Variants in ZNF831 observed in about 807,000 individuals in gnomAD.
ZNF831 encodes the protein chromosome 20 open reading frame 174.
ZNF831 carries 59 observed loss-of-function variants against 95.8 expected under a neutral mutation model. That is an observed-to-expected ratio of 0.62 (90% CI 0.50 to 0.77). The LOEUF (loss-of-function observed/expected upper bound fraction) is 0.77. Among genes scored for constraint, ZNF831 ranks in the 30% least tolerant of loss-of-function variants. The pLI is 0.00. For missense variants in ZNF831, 2,205 were observed against 2,164.0 expected, an observed-to-expected ratio of 1.02 and a Z score of -0.38; for synonymous variants, 961 against 925.5, an observed-to-expected ratio of 1.04 and a Z score of -0.70.
chr20:59,253,757 T>C (rs1432250085), intron 5 of ZNF831, 141 bp from the exon 6 acceptor site: 17 of 900,264 alleles, frequency 1.9e-5, no homozygotes, highest in Non-Finnish European at 2.8e-5. Context: ...ATTGAGGGCG[T>C]CATATTGAAG....
intron 1 of ZNF831, among the ~76,000 whole-genome samples, chr20:59,132,610 C>T (rs574761737): frequency 6.6e-6 from 1 of 152,296 alleles, no homozygotes; most frequent in South Asian, 2.1e-4. Flanking sequence ...TCTTCATAGG[C>T]TCCTTGGACA....
intron 4 of ZNF831, among the ~76,000 whole-genome samples, chr20:59,227,981 C>T (rs1402067710): frequency 6.6e-6 from 1 of 152,104 alleles, no homozygotes; most frequent in Non-Finnish European, 1.5e-5. Context: ...ATTTCAACCA[C>T]ATAGGTTATA....
chr20:59,202,373 A>G (rs1277666042), intron 3 of ZNF831, among the ~76,000 whole-genome samples: 2 of 141,980 alleles, frequency 1.4e-5, no homozygotes, highest in African/African-American at 5.3e-5. Context: ...TTTGCATCTG[A>G]CAATGACAAC....
rs145684641 is a variant in ZNF831, at chr20:59,206,550, T to C, written c.3876-355T>C. Among the ~76,000 whole-genome samples the C allele has an allele frequency of 2.8e-4, 43 of 152,346 alleles. No homozygotes were observed. In the East Asian group the frequency reaches 4.6e-3, roughly 16 times the overall value. On this transcript the variant is annotated intron_variant, in intron 3 of 5. Coordinates refer to ENST00000371030, the MANE Select transcript of ZNF831 (RefSeq NM_178457.3). The stretch of plus-strand genomic sequence containing the variant: ...ATTTGTCAATGCAGATTACAGAACA[T>C]TTCCATCATTGAAGAATAAACTGTT...
At chr20:59,221,512 CA>C (rs1568778720) in intron 4 of ZNF831, among the ~76,000 whole-genome samples, 1 of 152,186 alleles carries the variant, frequency 6.6e-6, no homozygotes, top group Non-Finnish European at 1.5e-5. Flanking sequence ...GAATCTGCTC[CA>C]AAAACAACCA....
At chr20:59,163,621 A>G (rs1261010525), upstream of ZNF831, among the ~76,000 whole-genome samples, 2 of 152,018 alleles carry the variant, frequency 1.3e-5, no homozygotes, top group African/African-American at 4.8e-5. Flanking sequence ...CTCTAATGCA[A>G]TGTTTTTTTG....
At chr20:59,237,647 G>T (rs1451846890) in intron 4 of ZNF831, among the ~76,000 whole-genome samples, 1 of 152,140 alleles carries the variant, frequency 6.6e-6, no homozygotes. Context: ...GCTGAGTTTC[G>T]GGAGCTCATG....
At position 59,193,189 on chromosome 20, in the gene ZNF831, A is replaced by C. The variant is rs1983760867; in HGVS notation, c.2170A>C (p.Arg724=). Residue 724 remains arginine (R), a synonymous_variant, in exon 2 of 6, where the codon AGG becomes CGG. Coordinates refer to ENST00000371030, the MANE Select transcript of ZNF831 (RefSeq NM_178457.3). ...VARRGDSDRP[R]VEEAVSSPAL... ...CAGGAGAGGAGACAGTGACCGACCC[A>C]GGGTGGAAGAGGCTGTGTCATCCCC... 3 of 1,578,856 alleles carry C rather than the reference A, an allele frequency of 1.9e-6. No homozygotes were observed. Among genetic ancestry groups the C allele is most frequent in the Non-Finnish European group, 2.6e-6 (3 of 1,162,054 alleles).
At chr20:59,153,585 A>G (rs1484915167) in intron 2 of ZNF831, among the ~76,000 whole-genome samples, 1 of 151,428 alleles carries the variant, frequency 6.6e-6, no homozygotes, top group East Asian at 1.9e-4. Flanking sequence ...GACATGTTCA[A>G]TGGTTCCGGG....
Position 59,244,262 on chromosome 20 carries a change from G to T in ZNF831, c.4028-8716G>T, listed in dbSNP as rs552596262. On this transcript the variant is annotated intron_variant, in intron 4 of 5. Coordinates refer to ENST00000371030, the MANE Select transcript of ZNF831 (RefSeq NM_178457.3). Reference sequence around the variant, plus strand: ...ATAGTACAGAAATACTCTAGATTTGGCTAGAGGTGGAAAAAATATATTTTT... The same window carrying T: ...ATAGTACAGAAATACTCTAGATTTGTCTAGAGGTGGAAAAAATATATTTTT... 2.6e-5 allele frequency among the ~76,000 whole-genome samples: 4 copies of T among 152,258 alleles called. No homozygotes were observed. In the South Asian group the frequency reaches 8.3e-4, roughly 32 times the overall value.
intron 2 of ZNF831, among the ~76,000 whole-genome samples, chr20:59,149,171 C>T (rs564813839): frequency 2.7e-4 from 41 of 152,286 alleles, no homozygotes; most frequent in African/African-American, 7.7e-4. Context: ...ACCAGAGGTG[C>T]CATCAGAAAA....
In ZNF831 at chr20:59,195,924, A is replaced by G. The variant is rs529824649; in HGVS notation, c.3794A>G (p.Glu1265Gly). 1.2e-6 allele frequency: 2 copies of G among 1,614,196 alleles called. No individual in the cohort carries two copies. Among genetic ancestry groups the G allele is most frequent in the South Asian group, 2.2e-5 (2 of 91,074 alleles). ...CCCCAGCACCAGGTGTCTGAGCCAG[A>G]ATGGAAGAAAGGCCTGCCTTGGAGG... is the stretch of plus-strand genomic sequence containing the variant. ...VMPQHQVSEPEWKKGLPWRAK... is the reference protein window; with the variant it reads ...VMPQHQVSEPGWKKGLPWRAK... Residue 1265 changes from glutamate (E) to glycine (G), a missense_variant, in exon 3 of 6, where the codon GAA becomes GGA. Coordinates refer to ENST00000371030, the MANE Select transcript of ZNF831 (RefSeq NM_178457.3).
chr20:59,195,803 C>A (rs987459490), intron 2 of ZNF831, 66 bp from the exon 3 acceptor site: 52 of 1,566,156 alleles, frequency 3.3e-5, no homozygotes, highest in Non-Finnish European at 2.2e-5. Context: ...GAGCGAGAAC[C>A]CTTTGGAGTT....
intron 2 of ZNF831, 173 bp from the exon 3 acceptor site, chr20:59,195,696 C>T (rs1046191360): frequency 4.7e-5 from 42 of 887,714 alleles, no homozygotes; most frequent in Non-Finnish European, 5.7e-5. Context: ...TGTCCAGGAA[C>T]GCTCTGCCGT....
chr20:59,234,634 A>C (rs1986902157), intron 4 of ZNF831, among the ~76,000 whole-genome samples: 1 of 152,246 alleles, frequency 6.6e-6, no homozygotes, highest in Non-Finnish European at 1.5e-5. Context: ...TTTTAGAGAC[A>C]GTCTAGGTTT....
At chr20:59,177,307 A>G (rs934268653) in intron 1 of ZNF831, among the ~76,000 whole-genome samples, 1 of 152,222 alleles carries the variant, frequency 6.6e-6, no homozygotes, top group Non-Finnish European at 1.5e-5. Flanking sequence ...AAGCCCAGGG[A>G]AATAGTATAC....
At chr20:59,176,917 C>A (rs1163503522) in intron 1 of ZNF831, among the ~76,000 whole-genome samples, 1 of 152,224 alleles carries the variant, frequency 6.6e-6, no homozygotes, top group Non-Finnish European at 1.5e-5. Flanking sequence ...AATCACGAAT[C>A]GTGGTGCTAT....
intron 4 of ZNF831, among the ~76,000 whole-genome samples, chr20:59,235,833 A>G (rs763701187): frequency 1.4e-4 from 22 of 152,210 alleles, no homozygotes; most frequent in Non-Finnish European, 3.2e-4. Context: ...AGAACCTTCA[A>G]AAGAGTGAAG....
At chr20:59,157,962 T>C (rs1980630971) in intron 2 of ZNF831, among the ~76,000 whole-genome samples, 1 of 152,356 alleles carries the variant, frequency 6.6e-6, no homozygotes, top group South Asian at 2.1e-4. Context: ...ATTTTTTCTT[T>C]CTGGTCCTGA....
Sources: allele counts gnomAD v4.1 joint callset (sites outside exome capture counted in the v4.1 genomes callset), GRCh38; gene constraint gnomAD v4.1.1; transcripts MANE v1.5; gene names NCBI Gene and HGNC (gene_info 2026-07-23, HGNC 2026-07-21).